RBFOX1: variants seen among roughly 807,000 people sequenced by gnomAD.
The protein encoded by RBFOX1 is RNA binding fox-1 homolog 1.
A neutral mutation model predicts 57.7 loss-of-function variants in RBFOX1; 8 were observed. The observed-to-expected ratio is 0.14, with a 90% confidence interval of 0.08 to 0.25. RBFOX1 has a LOEUF of 0.25. Ranked by LOEUF, RBFOX1 falls within the 10% of genes least tolerant of loss-of-function variation. The probability of loss-of-function intolerance (pLI) is 1.00; values close to 1 mark genes in which losing one functional copy is unlikely to be tolerated. For synonymous variants in RBFOX1, 326 were observed against 222.4 expected (o/e 1.47, Z -4.15); for missense variants, 611 against 548.5 (o/e 1.11, Z -1.14).
chr16:6,606,268 A>G (rs566719189), intron 2 of RBFOX1, among the ~76,000 whole-genome samples: 24 of 152,262 alleles, frequency 1.6e-4, no homozygotes, highest in Middle Eastern at 3.4e-3. Flanking sequence ...TTCCAAGCCA[A>G]TATATTAGAA....
At chr16:6,525,345 T>C (rs1567555078) in intron 2 of RBFOX1, among the ~76,000 whole-genome samples, 1 of 152,186 alleles carries the variant, frequency 6.6e-6, no homozygotes, top group Non-Finnish European at 1.5e-5. Context: ...GAATTTGGGC[T>C]GGTGTAGTTG....
At chr16:5,949,703 C>G (rs1422026616) in intron 4 of RBFOX1, among the ~76,000 whole-genome samples, 1 of 152,086 alleles carries the variant, frequency 6.6e-6, no homozygotes, top group Non-Finnish European at 1.5e-5. Flanking sequence ...TGTAGAACAG[C>G]AGTTCTCAAA....
intron 1 of RBFOX1, among the ~76,000 whole-genome samples, chr16:6,279,905 A>T (rs959406006): frequency 2.6e-5 from 4 of 151,914 alleles, no homozygotes; most frequent in Non-Finnish European, 5.9e-5. Flanking sequence ...TTTTTTTTTA[A>T]TGATCTGGAA....
At chr16:7,179,251 C>T (rs1415012328) in intron 4 of RBFOX1, among the ~76,000 whole-genome samples, 1 of 150,334 alleles carries the variant, frequency 6.7e-6, no homozygotes, top group Non-Finnish European at 1.5e-5. Flanking sequence ...AAAGAAAATA[C>T]TTAAGTTATC....
intron 3 of RBFOX1, among the ~76,000 whole-genome samples, chr16:5,827,393 C>T (rs757484249): frequency 5.8e-5 from 8 of 138,136 alleles, no homozygotes; most frequent in Non-Finnish European, 1.2e-4. Context: ...GAGCAAGACT[C>T]CATCTCAGGG....
intron 4 of RBFOX1, among the ~76,000 whole-genome samples, chr16:5,880,134 T>C (rs753798497): frequency 6.6e-6 from 1 of 152,234 alleles, no homozygotes; most frequent in Non-Finnish European, 1.5e-5. Flanking sequence ...TGCCTGGCAC[T>C]CTTTTATGCA....
intron 3 of RBFOX1, among the ~76,000 whole-genome samples, chr16:5,708,969 GC>G (rs1335070408): frequency 1.3e-5 from 2 of 152,182 alleles, no homozygotes; most frequent in African/African-American, 2.4e-5. Flanking sequence ...GAGAACACGG[GC>G]CATGGCAGTG....
chr16:7,310,382 T>C (rs141784154), intron 4 of RBFOX1, among the ~76,000 whole-genome samples: 41 of 152,190 alleles, frequency 2.7e-4, no homozygotes, highest in Non-Finnish European at 4.9e-4. Context: ...GATGGATTGA[T>C]CCCGGCTAAA....
chr16:5,848,865 C>T (rs1269610416), intron 3 of RBFOX1, among the ~76,000 whole-genome samples: 1 of 152,044 alleles, frequency 6.6e-6, no homozygotes, highest in Admixed American at 6.6e-5. Flanking sequence ...AGGAGAATCA[C>T]TTGAATCTGG....
chr16:7,136,489 C>G (rs952882478), intron 4 of RBFOX1, among the ~76,000 whole-genome samples: 1 of 149,254 alleles, frequency 6.7e-6, no homozygotes, highest in Non-Finnish European at 1.5e-5. Flanking sequence ...GCAATACAGC[C>G]TTAAACTCCT....
At chr16:6,727,352 A>G (rs1333476454) in intron 3 of RBFOX1, among the ~76,000 whole-genome samples, 1 of 152,138 alleles carries the variant, frequency 6.6e-6, no homozygotes, top group African/African-American at 2.4e-5. Flanking sequence ...AATAGAAACT[A>G]TCTAAAGAAT....
chr16:7,129,047 TTAA>T (rs2069448633), intron 4 of RBFOX1, among the ~76,000 whole-genome samples: 5 of 151,896 alleles, frequency 3.3e-5, no homozygotes, highest in African/African-American at 1.2e-4. Context: ...TCTTGACACC[TTAA>T]CCTCGTGATC....
chr16:5,394,996 T>A (rs1043999400), intron 1 of RBFOX1, among the ~76,000 whole-genome samples: 1 of 152,192 alleles, frequency 6.6e-6, no homozygotes, highest in African/African-American at 2.4e-5. Flanking sequence ...TGTACCTTCA[T>A]TGGCTCCCAG....
Position 6,564,573 on chromosome 16 carries a change from C to T in RBFOX1, c.-63-90030C>T, listed in dbSNP as rs923984206. Reference sequence around the variant, plus strand: ...GAATGACAAATACCGCATGATCTCACTGATATATGGAATCTAAAAAGCTGA... The same window carrying T: ...GAATGACAAATACCGCATGATCTCATTGATATATGGAATCTAAAAAGCTGA... On this transcript the variant is annotated intron_variant, in intron 2 of 15. Coordinates refer to ENST00000550418, the MANE Select transcript of RBFOX1 (RefSeq NM_018723.4). Among the ~76,000 whole-genome samples, 5 of 152,078 alleles carry T rather than the reference C, an allele frequency of 3.3e-5. No individual in the cohort carries two copies. The East Asian group carries it at 7.7e-4, about 24-fold the overall frequency.
chr16:6,316,640 A>G (rs1316429709), intron 1 of RBFOX1, among the ~76,000 whole-genome samples: 1 of 152,130 alleles, frequency 6.6e-6, no homozygotes, highest in African/African-American at 2.4e-5. Context: ...GGTGTAAGAG[A>G]AGAATACAGA....
intron 3 of RBFOX1, among the ~76,000 whole-genome samples, chr16:5,616,381 G>A (rs753315844): frequency 2.4e-4 from 37 of 152,200 alleles, no homozygotes; most frequent in Middle Eastern, 3.2e-3. Flanking sequence ...TGCGGTGCTG[G>A]CCAGCGAGGT....
rs12599567 is a variant in RBFOX1, at chr16:6,302,419, G to C, written c.-126-14576G>C. On this transcript the variant is annotated intron_variant, in intron 1 of 15. Coordinates refer to ENST00000550418, the MANE Select transcript of RBFOX1 (RefSeq NM_018723.4). ...CTGAACATGAAGGACTGACTATCAG[G>C]AATTTTCTTTTGTCTTCTGGAATTC... 1.4e-4 allele frequency among the ~76,000 whole-genome samples: 21 copies of C among 152,230 alleles called. 1 individual carries two copies. In the East Asian group the frequency reaches 3.1e-3, roughly 22 times the overall value.
In RBFOX1 at chr16:5,464,854, A is replaced by C. The variant is rs115809524; in HGVS notation, c.220-2362A>C. Among the ~76,000 whole-genome samples, 1,471 of 152,272 alleles carry C rather than the reference A, an allele frequency of 9.7e-3. 25 individuals are homozygous for C. The highest frequency in any genetic ancestry group is 0.033 in the African/African-American group (1,355 of 41,546). On this transcript the variant is annotated intron_variant, in intron 1 of 2. Transcript: ENST00000585867. Reference sequence around the variant, plus strand: ...TGGATGGAGGAGGGGCTGGGGAGGCACAGGGTGTGGCTCTAGGAGCCCAGG... The same window carrying C: ...TGGATGGAGGAGGGGCTGGGGAGGCCCAGGGTGTGGCTCTAGGAGCCCAGG...
intron 1 of RBFOX1, among the ~76,000 whole-genome samples, chr16:6,118,405 C>G (rs1459300053): frequency 6.6e-6 from 1 of 152,168 alleles, no homozygotes; most frequent in African/African-American, 2.4e-5. Flanking sequence ...AATCAAAGCA[C>G]CAGCAGATTC....
Sources: gnomAD v4.1 joint callset for allele counts (sites outside exome capture counted in the v4.1 genomes callset) on GRCh38, gnomAD v4.1.1 for gene constraint, MANE v1.5 for transcripts, NCBI Gene and HGNC (gene_info 2026-07-23, HGNC 2026-07-21) for gene names.